Variants in LUC7L3 observed in about 807,000 individuals in gnomAD.
The protein encoded by LUC7L3 is luc7-like protein 3.
LUC7L3 carries 6 observed loss-of-function variants against 66.8 expected under a neutral mutation model. The ratio of observed to expected loss-of-function variants is 0.09; its 90% CI spans 0.05 to 0.18. The LOEUF (loss-of-function observed/expected upper bound fraction) is 0.18, where lower values mean the gene tolerates loss of function less well. Ranked by LOEUF, LUC7L3 falls within the 10% of genes least tolerant of loss-of-function variation. The pLI is 1.00. For missense variants in LUC7L3, 341 were observed against 531.1 expected (o/e 0.64, Z 3.52); for synonymous variants, 160 against 174.7 (o/e 0.92, Z 0.66).
At chr17:50,719,974 A>T (rs1968628009) in intron 1 of LUC7L3, 143 bp downstream of exon 1, 4 of 696,196 alleles carry the variant, frequency 5.7e-6, no homozygotes, top group African/African-American at 3.8e-5. Context: ...TGGAGCCAGG[A>T]GGGAGGATGC....
At chr17:50,727,751 T>C (rs1182662535) in intron 1 of LUC7L3, among the ~76,000 whole-genome samples, 4 of 152,148 alleles carry the variant, frequency 2.6e-5, no homozygotes, top group Non-Finnish European at 5.9e-5. Context: ...AATAGTATTG[T>C]AGTGTGTATG....
intron 1 of LUC7L3, among the ~76,000 whole-genome samples, chr17:50,727,474 T>G (rs1209736884): frequency 6.6e-6 from 1 of 151,836 alleles, no homozygotes; most frequent in Non-Finnish European, 1.5e-5. Flanking sequence ...CACAAGAATG[T>G]TTTTTTTGGG....
Position 50,719,783 on chromosome 17 carries a change from C to T in LUC7L3, c.51C>T (p.Asn17=). 1 of 1,612,660 alleles carries T rather than the reference C, an allele frequency of 6.2e-7. No individual in the cohort carries two copies. Among genetic ancestry groups the T allele is most frequent in the Non-Finnish European group, 8.5e-7 (1 of 1,179,414 alleles). ...ATGAGTTAATGGGCCGGGACCGAAA[C>T]CTAGCCCCGGACGAGAAGCGCAGCA... ...LLDELMGRDR[N]LAPDEKRSNV... is the part of the protein sequence containing the mutation. Residue 17 remains asparagine, a synonymous_variant, in exon 1 of 10, where the codon AAC becomes AAT. Transcript: ENST00000505658.
intron 1 of LUC7L3, chr17:50,724,107 AG>A: frequency 1.5e-5 from 5 of 325,996 alleles, no homozygotes; most frequent in South Asian, 1.1e-4. Flanking sequence ...TGCCCAATTT[AG>A]CAATATTAGC....
chr17:50,735,248 A>AAAAAAG (rs1555608641), intron 1 of LUC7L3, among the ~76,000 whole-genome samples: 5 of 147,756 alleles, frequency 3.4e-5, no homozygotes, highest in African/African-American at 1.3e-4. Flanking sequence ...AAAAAAAAGA[A>AAAAAAG]AAAAAAAACT....
intron 5 of LUC7L3, among the ~76,000 whole-genome samples, chr17:50,742,228 C>T (rs1225460879): frequency 6.6e-6 from 1 of 152,206 alleles, no homozygotes; most frequent in African/African-American, 2.4e-5. Context: ...TAAAATTAAA[C>T]TGATCATACC....
At chr17:50,740,510 A>C (rs911914380) in intron 3 of LUC7L3, among the ~76,000 whole-genome samples, 165 bp downstream of exon 3, 1 of 152,114 alleles carries the variant, frequency 6.6e-6, no homozygotes, top group Admixed American at 6.5e-5. Flanking sequence ...AATGATACTG[A>C]TAGCTACCAC....
intron 9 of LUC7L3, among the ~76,000 whole-genome samples, chr17:50,748,769 T>C (rs532909862): frequency 1.3e-5 from 2 of 152,316 alleles, no homozygotes; most frequent in East Asian, 3.9e-4. Flanking sequence ...GGGTATGCTA[T>C]GATAGAGTTA....
At chr17:50,719,995 C>G (rs949585144) in intron 1 of LUC7L3, among the ~76,000 whole-genome samples, 164 bp downstream of exon 1, 13 of 152,166 alleles carry the variant, frequency 8.5e-5, no homozygotes, top group African/African-American at 3.1e-4. Flanking sequence ...TGTCCGGACC[C>G]GGGGATGGGG....
At position 50,754,242 on chromosome 17, in the gene LUC7L3, A is replaced by T. The variant is rs984956085; in HGVS notation, c.*3581A>T. 2 of 152,074 alleles carry T rather than the reference A, an allele frequency of 1.3e-5. No individual in the cohort carries two copies. The highest frequency in any genetic ancestry group is 2.9e-5 in the Non-Finnish European group (2 of 68,030). The allele number at this position is 152,074 out of a possible 1,614,324, so 9.4% of individuals were successfully genotyped here. On this transcript the variant is annotated 3_prime_UTR_variant, in exon 10 of 10. Transcript: ENST00000505658. ...ATCTGCAATCAGTTGGTCTTAAAAA[A>T]AAAAAAACTTTATTTTGGAAATTTA...
chr17:50,744,432 T>G (rs1479276150), intron 6 of LUC7L3, among the ~76,000 whole-genome samples: 1 of 152,230 alleles, frequency 6.6e-6, no homozygotes, highest in African/African-American at 2.4e-5. Context: ...CATTGAACAG[T>G]GGGTCTCAAC....
chr17:50,737,806 T>C (rs1970071573), intron 2 of LUC7L3, among the ~76,000 whole-genome samples: 2 of 152,260 alleles, frequency 1.3e-5, no homozygotes, highest in East Asian at 3.9e-4. Context: ...AGGGTTATTT[T>C]CTGGAGAAAT....
At chr17:50,746,100 C>G in intron 8 of LUC7L3, 97 bp downstream of exon 8, 1 of 1,423,470 alleles carries the variant, frequency 7.0e-7, no homozygotes, top group Non-Finnish European at 9.2e-7. Flanking sequence ...ACTTGGGAAG[C>G]TCTTAAGCAT....
Position 50,754,349 on chromosome 17 carries a change from A to T in LUC7L3, c.*3688A>T, listed in dbSNP as rs1374616500. The T allele has an allele frequency of 6.6e-6, 1 of 152,184 alleles. No homozygotes were observed. Among genetic ancestry groups the T allele is most frequent in the Non-Finnish European group, 1.5e-5 (1 of 68,032 alleles). 9.4% of individuals were successfully genotyped at this position (152,184 alleles called of 1,614,324 possible). A position where few individuals can be genotyped will look rare whatever the true frequency, so the allele number is the denominator to read the frequency against. ...AGACTCATGACCACTTTTATACTTC[A>T]TGAGTGATTGTATTTGTATCCACTG... On this transcript the variant is annotated 3_prime_UTR_variant, in exon 10 of 10. Transcript: ENST00000505658.
chr17:50,740,442 T>C (rs1272785049), intron 3 of LUC7L3, 97 bp downstream of exon 3: 2 of 1,181,560 alleles, frequency 1.7e-6, no homozygotes, highest in Non-Finnish European at 2.4e-6. Flanking sequence ...GTAAAATGAG[T>C]GTCTGAGAGA....
At chr17:50,747,225 TCTTTTTC>T (rs1970725845) in intron 9 of LUC7L3, among the ~76,000 whole-genome samples, 2 of 125,098 alleles carry the variant, frequency 1.6e-5, no homozygotes, top group African/African-American at 3.7e-5. Flanking sequence ...TTTTCTTTTT[TCTTTTTC>T]TTTTTTTTTT....
intron 2 of LUC7L3, chr17:50,737,525 G>C (rs1970054375): frequency 3.5e-6 from 1 of 282,204 alleles, no homozygotes; most frequent in South Asian, 3.3e-5. Context: ...AAATGAGAGA[G>C]ATTAGTCTGT....
intron 5 of LUC7L3, 51 bp downstream of exon 5, chr17:50,741,782 AC>A: frequency 7.0e-7 from 1 of 1,423,400 alleles, no homozygotes; most frequent in Non-Finnish European, 9.9e-7. Flanking sequence ...CAGACATGTA[AC>A]CAGCAAAAAT....
rs1169689372 is a variant in LUC7L3 at position 50,752,165 on chromosome 17, CTAAT to C, written c.*1507_*1510del. The C allele has an allele frequency of 7.8e-7, 1 of 1,282,086 alleles. No homozygotes were observed. Among genetic ancestry groups the C allele is most frequent in the Non-Finnish European group, 1.0e-6 (1 of 985,726 alleles). 79.4% of individuals were successfully genotyped at this position (1,282,086 alleles called of 1,614,324 possible). On this transcript the variant is annotated 3_prime_UTR_variant, in exon 10 of 10. Transcript: ENST00000505658. Reference sequence around the variant, plus strand: ...TAAAAATTGGCCTTTTACATGTTGTCTAATTATCATTTTTCCCCAAATTTTGCGT... The same window carrying C: ...TAAAAATTGGCCTTTTACATGTTGTCTATCATTTTTCCCCAAATTTTGCGT...
Sources: gnomAD v4.1 joint callset for allele counts (sites outside exome capture counted in the v4.1 genomes callset) on GRCh38, gnomAD v4.1.1 for gene constraint, MANE v1.5 for transcripts, NCBI Gene and HGNC (gene_info 2026-07-23, HGNC 2026-07-21) for gene names.